The following TMPRSS7 variants were observed in gnomAD, a reference collection of about 807,000 sequenced individuals.
The protein encoded by TMPRSS7 is transmembrane serine protease 7, also known as transmembrane protease serine 7.
Under a neutral mutation model 95.6 loss-of-function variants are expected in TMPRSS7, and 81 were observed. The ratio of observed to expected loss-of-function variants is 0.85; its 90% CI spans 0.71 to 1.02. TMPRSS7 has a LOEUF of 1.02. TMPRSS7 is among the 50% of genes least tolerant of loss of function. The pLI is 0.00. For missense variants in TMPRSS7, 945 were observed against 955.2 expected, an observed-to-expected ratio of 0.99 and a Z score of 0.14; for synonymous variants, 364 against 337.8, an observed-to-expected ratio of 1.08 and a Z score of -0.85.
At chr3:112,043,144 C>T (rs2073232058) in intron 3 of TMPRSS7, 5 of 455,450 alleles carry the variant, frequency 1.1e-5, no homozygotes, top group Non-Finnish European at 2.2e-5. Flanking sequence ...GTACAAACAT[C>T]ATAGAGTGTG....
chr3:112,049,947 G>T, exon 8 of TMPRSS7: 1 of 1,573,358 alleles, frequency 6.4e-7, no homozygotes. Flanking sequence ...AGGAATCCGG[G>T]CATATTTTGA....
intron 5 of TMPRSS7, among the ~76,000 whole-genome samples, chr3:112,046,773 A>G (rs762642853): frequency 9.2e-5 from 14 of 152,192 alleles, no homozygotes; most frequent in African/African-American, 2.9e-4. Flanking sequence ...AACCTCGACA[A>G]CTACCAACTC....
chr3:112,073,285 G>A (rs1319894598), intron 13 of TMPRSS7, among the ~76,000 whole-genome samples: 1 of 151,702 alleles, frequency 6.6e-6, no homozygotes, highest in African/African-American at 2.4e-5. Flanking sequence ...GTAGAGATGG[G>A]GTTTCACCAT....
intron 13 of TMPRSS7, among the ~76,000 whole-genome samples, chr3:112,073,438 C>T (rs772929551): frequency 2.0e-5 from 3 of 152,042 alleles, no homozygotes; most frequent in African/African-American, 4.8e-5. Flanking sequence ...ATTCTAACTG[C>T]GGTGAGACGG....
chr3:112,071,868 T>C (rs955283840), intron 13 of TMPRSS7, among the ~76,000 whole-genome samples: 3 of 152,046 alleles, frequency 2.0e-5, no homozygotes, highest in East Asian at 1.9e-4. Flanking sequence ...TCAAGGTTTT[T>C]AGCTTCCTTG....
At position 112,064,356 on chromosome 3, in the gene TMPRSS7, C is replaced by CTTTT. The variant is rs1553764669; in HGVS notation, c.1555+727_1555+730dup. 4.1e-3 allele frequency among the ~76,000 whole-genome samples: 613 copies of CTTTT among 150,618 alleles called. 5 individuals are homozygous for CTTTT. Among genetic ancestry groups the CTTTT allele is most frequent in the African/African-American group, 0.014 (566 of 40,804 alleles). On this transcript the variant is annotated intron_variant, in intron 12 of 17. Coordinates refer to ENST00000452346, the Ensembl canonical transcript of TMPRSS7. ...GGGTTTTGTGTGTGTGTTTTCTTTT[C>CTTTT]TTTTTTCTTTGAGACCAGGTCTTGC...
intron 9 of TMPRSS7, among the ~76,000 whole-genome samples, chr3:112,052,969 C>A (rs2073381029): frequency 6.6e-6 from 1 of 151,364 alleles, no homozygotes; most frequent in Non-Finnish European, 1.5e-5. Flanking sequence ...TCCCAGTGAG[C>A]AAGTGAGGAG....
intron 9 of TMPRSS7, among the ~76,000 whole-genome samples, chr3:112,055,257 C>A (rs2073417885): frequency 6.6e-6 from 1 of 151,990 alleles, no homozygotes; most frequent in Admixed American, 6.6e-5. Flanking sequence ...ATTTTTTAAC[C>A]TTGGAAAAGT....
In TMPRSS7 at chr3:112,042,251, T is replaced by C. The variant is rs145300282; in HGVS notation, c.429+201T>C. The stretch of plus-strand genomic sequence containing the variant: ...GATAGAATTTCTCCCCCTGCCCCCA[T>C]GCTCCAATGTAAAAAAAAGAATGGC... On this transcript the variant is annotated intron_variant, in intron 3 of 17. Coordinates refer to ENST00000452346, the Ensembl canonical transcript of TMPRSS7. 2.7e-3 allele frequency among the ~76,000 whole-genome samples: 408 copies of C among 152,206 alleles called. 8 individuals carry two copies. The South Asian group carries it at 0.041, about 15-fold the overall frequency.
intron 15 of TMPRSS7, among the ~76,000 whole-genome samples, chr3:112,076,246 C>T (rs770773626): frequency 9.2e-5 from 14 of 152,156 alleles, no homozygotes; most frequent in Non-Finnish European, 1.3e-4. Flanking sequence ...TGGAGATGGA[C>T]GCTTCACATG....
exon 2 of TMPRSS7, chr3:112,038,201 C>T: frequency 1.4e-6 from 1 of 702,910 alleles, no homozygotes; most frequent in Non-Finnish European, 2.6e-6. Flanking sequence ...CAAAGCCAAA[C>T]CCAAGAAGCA....
chr3:112,078,751 G>A (rs775396626), exon 17 of TMPRSS7: 1 of 1,614,082 alleles, frequency 6.2e-7, no homozygotes, highest in South Asian at 1.1e-5. Flanking sequence ...GATAATAAAG[G>A]CTCCCTCGTT....
chr3:112,070,762 T>C (rs949227568), intron 13 of TMPRSS7, among the ~76,000 whole-genome samples: 3 of 152,322 alleles, frequency 2.0e-5, no homozygotes, highest in African/African-American at 7.2e-5. Flanking sequence ...AGCACACTGA[T>C]GGGTCTTGAC....
At chr3:112,074,087 C>T (rs73856339) in intron 13 of TMPRSS7, among the ~76,000 whole-genome samples, 3,882 of 152,274 alleles carry the variant, frequency 0.025, 161 homozygotes, top group African/African-American at 0.087. Context: ...AACAAATATG[C>T]CTGCCAGCGT....
chr3:112,043,767 G>T (rs2073240633), intron 3 of TMPRSS7, among the ~76,000 whole-genome samples: 2 of 152,180 alleles, frequency 1.3e-5, no homozygotes, highest in Admixed American at 1.3e-4. Flanking sequence ...TGGCTGGGGC[G>T]CTTCCCTAGA....
At chr3:112,063,018 G>A (rs980937140) in intron 11 of TMPRSS7, among the ~76,000 whole-genome samples, 1 of 152,182 alleles carries the variant, frequency 6.6e-6, no homozygotes, top group Non-Finnish European at 1.5e-5. Context: ...TAGGTCCAAC[G>A]TGATAAGAGC....
intron 12 of TMPRSS7, among the ~76,000 whole-genome samples, chr3:112,066,159 G>A (rs183269454): frequency 6.0e-4 from 92 of 152,310 alleles, no homozygotes; most frequent in African/African-American, 2.1e-3. Flanking sequence ...AGCCATCAGA[G>A]TTTAACGCAT....
intron 14 of TMPRSS7, among the ~76,000 whole-genome samples, chr3:112,074,793 A>G (rs991828890): frequency 6.6e-6 from 1 of 152,228 alleles, no homozygotes; most frequent in Admixed American, 6.5e-5. Flanking sequence ...GCCTGACTCA[A>G]TAACTAATCT....
At chr3:112,074,486 T>A in intron 14 of TMPRSS7, 74 bp downstream of exon 14, 1 of 1,154,274 alleles carries the variant, frequency 8.7e-7, no homozygotes, top group Non-Finnish European at 1.3e-6. Flanking sequence ...TTTCATTCCC[T>A]TCTTGGTGTA....
Sources: allele counts gnomAD v4.1 joint callset (sites outside exome capture counted in the v4.1 genomes callset), GRCh38; gene constraint gnomAD v4.1.1; transcripts MANE v1.5; gene names NCBI Gene and HGNC (gene_info 2026-07-23, HGNC 2026-07-21).